Variants in IMMP2L observed in about 807,000 individuals in gnomAD.
IMMP2L encodes the protein mitochondrial inner membrane protease subunit 2.
In IMMP2L, 18 loss-of-function variants were observed where a neutral mutation model predicts 19.3. The observed-to-expected ratio is 0.93, with a 90% CI of 0.64 to 1.38. The LOEUF is 1.38. Ranked by LOEUF, IMMP2L falls within the 40% of genes most tolerant of loss-of-function variation. IMMP2L has a pLI of 0.00. For missense variants in IMMP2L, 233 were observed against 218.2 expected, an observed-to-expected ratio of 1.07 and a Z score of -0.43; for synonymous variants, 76 against 73.0, an observed-to-expected ratio of 1.04 and a Z score of -0.21.
intron 3 of IMMP2L, among the ~76,000 whole-genome samples, chr7:111,225,898 T>C (rs781405351): frequency 6.6e-5 from 10 of 152,152 alleles, no homozygotes; most frequent in Non-Finnish European, 1.5e-4. Flanking sequence ...AGTCACTTTA[T>C]ATATCCCCCT....
intron 3 of IMMP2L, among the ~76,000 whole-genome samples, chr7:111,433,419 A>T (rs1836834741): frequency 1.3e-5 from 2 of 151,860 alleles, no homozygotes; most frequent in Admixed American, 1.3e-4. Flanking sequence ...TCTTACACGG[A>T]TGGCAGCAGG....
chr7:110,811,422 T>A (rs185412183), intron 5 of IMMP2L, among the ~76,000 whole-genome samples: 1 of 152,160 alleles, frequency 6.6e-6, no homozygotes, highest in South Asian at 2.1e-4. Context: ...AAGGTTCATA[T>A]ATTCATAAAC....
intron 3 of IMMP2L, among the ~76,000 whole-genome samples, chr7:111,421,856 C>G (rs1368839842): frequency 1.3e-5 from 2 of 151,788 alleles, no homozygotes; most frequent in Admixed American, 1.3e-4. Flanking sequence ...GGTTTTAGGT[C>G]TAGCATAGAA....
intron 5 of IMMP2L, among the ~76,000 whole-genome samples, chr7:110,846,534 T>G (rs968063489): frequency 6.6e-6 from 1 of 151,708 alleles, no homozygotes; most frequent in African/African-American, 2.4e-5. Flanking sequence ...CCTGGCTAAT[T>G]TTTGTATTTT....
At chr7:110,667,546 C>T (rs1268852401) in intron 5 of IMMP2L, among the ~76,000 whole-genome samples, 1 of 152,104 alleles carries the variant, frequency 6.6e-6, no homozygotes, top group African/African-American at 2.4e-5. Context: ...ACAGTGAAAG[C>T]AGGAGGCAGA....
intron 3 of IMMP2L, among the ~76,000 whole-genome samples, chr7:111,212,141 T>C (rs1482322681): frequency 6.6e-6 from 1 of 150,736 alleles, no homozygotes; most frequent in East Asian, 1.9e-4. Flanking sequence ...TTAAACCAGA[T>C]CTCTCTGTCT....
chr7:110,948,995 C>T (rs1817526174), intron 4 of IMMP2L, among the ~76,000 whole-genome samples: 1 of 152,178 alleles, frequency 6.6e-6, no homozygotes, highest in Admixed American at 6.5e-5. Flanking sequence ...TACACCACTG[C>T]TCCCCTGCCC....
chr7:110,695,103 CT>C (rs1314112280), intron 5 of IMMP2L, among the ~76,000 whole-genome samples: 1 of 151,976 alleles, frequency 6.6e-6, no homozygotes, highest in Non-Finnish European at 1.5e-5. Flanking sequence ...AAGAGGTTTC[CT>C]TTGGGGTAAT....
At chr7:110,949,911 C>T (rs1352035945) in intron 4 of IMMP2L, among the ~76,000 whole-genome samples, 1 of 152,012 alleles carries the variant, frequency 6.6e-6, no homozygotes, top group African/African-American at 2.4e-5. Context: ...GCAATATACC[C>T]ATGTAAGAAA....
intron 3 of IMMP2L, chr7:111,411,784 G>T: frequency 5.0e-6 from 1 of 200,990 alleles, no homozygotes; most frequent in South Asian, 9.6e-5. Context: ...TCAACGTGCA[G>T]GGGAATTATG....
intron 3 of IMMP2L, among the ~76,000 whole-genome samples, chr7:111,130,251 A>G (rs1163323423): frequency 6.6e-6 from 1 of 152,178 alleles, no homozygotes; most frequent in Non-Finnish European, 1.5e-5. Flanking sequence ...GAATTCAAAT[A>G]AGTGATAAAT....
In IMMP2L at chr7:110,672,626, G is replaced by A. The variant is rs575194827; in HGVS notation, c.409-8905C>T. Among the ~76,000 whole-genome samples, 9 of 152,268 alleles carry A rather than the reference G, an allele frequency of 5.9e-5. No homozygotes were observed. In the South Asian group the frequency reaches 1.7e-3, roughly 28 times the overall value. On this transcript the variant is annotated intron_variant, in intron 5 of 5. Transcript: ENST00000405709. ...TTAGTTACGTCCTAGATGCAATGAG[G>A]GTACAGGCATTGGGTAAATACACCC... is the stretch of plus-strand genomic sequence containing the variant.
At chr7:110,841,549 G>C (rs1445339133) in intron 5 of IMMP2L, among the ~76,000 whole-genome samples, 1 of 152,038 alleles carries the variant, frequency 6.6e-6, no homozygotes, top group East Asian at 1.9e-4. Context: ...ACATGAATAT[G>C]TTCATGCTTG....
intron 4 of IMMP2L, among the ~76,000 whole-genome samples, chr7:110,916,986 T>G (rs543173324): frequency 6.6e-6 from 1 of 152,282 alleles, no homozygotes; most frequent in African/African-American, 2.4e-5. Context: ...GGTGATGTTC[T>G]TTGGAAAAAG....
At chr7:111,090,134 A>G (rs1328477335) in intron 3 of IMMP2L, among the ~76,000 whole-genome samples, 1 of 152,092 alleles carries the variant, frequency 6.6e-6, no homozygotes, top group African/African-American at 2.4e-5. Flanking sequence ...TAAGGTTGTA[A>G]AACATGCATT....
chr7:110,743,067 T>G (rs1297935321), intron 5 of IMMP2L, among the ~76,000 whole-genome samples: 1 of 152,238 alleles, frequency 6.6e-6, no homozygotes, highest in Non-Finnish European at 1.5e-5. Context: ...ACATGTAACA[T>G]TCATATAATT....
At chr7:110,777,252 G>A (rs1350882860) in intron 5 of IMMP2L, among the ~76,000 whole-genome samples, 2 of 151,868 alleles carry the variant, frequency 1.3e-5, no homozygotes, top group Non-Finnish European at 2.9e-5. Context: ...AAATCACTTG[G>A]TTGGGCCACA....
intron 3 of IMMP2L, among the ~76,000 whole-genome samples, chr7:111,465,501 TAAAAAAAAAAAAAA>T (rs757362734): frequency 1.6e-5 from 1 of 64,288 alleles, no homozygotes; most frequent in Non-Finnish European, 3.3e-5. Context: ...CAGGTGTCAC[TAAAAAAAAAAAAAA>T]AAAAAAAAAA....
intron 3 of IMMP2L, among the ~76,000 whole-genome samples, chr7:111,076,325 T>C (rs1442243486): frequency 1.3e-5 from 2 of 152,236 alleles, no homozygotes; most frequent in Non-Finnish European, 2.9e-5. Flanking sequence ...CTGATATCTA[T>C]TCAATGTGCC....
Sources: gnomAD v4.1 joint callset for allele counts (sites outside exome capture counted in the v4.1 genomes callset) on GRCh38, gnomAD v4.1.1 for gene constraint, MANE v1.5 for transcripts, NCBI Gene and HGNC (gene_info 2026-07-23, HGNC 2026-07-21) for gene names.